CSMD1: variants seen among roughly 807,000 people sequenced by gnomAD.
CSMD1 encodes the protein CUB and sushi domain-containing protein 1.
A neutral mutation model predicts 417.5 loss-of-function variants in CSMD1; 213 were observed. That is an observed-to-expected ratio of 0.51 (90% CI 0.46 to 0.57). The LOEUF is 0.57. Among genes scored for constraint, CSMD1 ranks in the 20% least tolerant of loss-of-function variants. The pLI, the probability that CSMD1 is intolerant of heterozygous loss-of-function variation, is 0.00. For synonymous variants in CSMD1, 2,862 were observed against 1,736.8 expected, an observed-to-expected ratio of 1.65 and a Z score of -16.11; for missense variants, 6,923 against 4,529.7, an observed-to-expected ratio of 1.53 and a Z score of -15.17.
At chr8:4,323,590 C>T (rs1317075578) in intron 3 of CSMD1, among the ~76,000 whole-genome samples, 2 of 152,060 alleles carry the variant, frequency 1.3e-5, no homozygotes, top group Admixed American at 1.3e-4. Flanking sequence ...GTTTGAGTGG[C>T]TGATACCCAA....
intron 25 of CSMD1, among the ~76,000 whole-genome samples, chr8:3,288,600 G>C (rs1220837853): frequency 6.8e-6 from 1 of 147,260 alleles, no homozygotes; most frequent in African/African-American, 2.7e-5. Context: ...GGTGTTTATA[G>C]TATTCTCTGA....
At chr8:4,351,964 T>TTTTC (rs932567641) in intron 3 of CSMD1, among the ~76,000 whole-genome samples, 1 of 149,614 alleles carries the variant, frequency 6.7e-6, no homozygotes, top group Admixed American at 6.7e-5. Context: ...TTTTTTTTTT[T>TTTTC]CAGAAAAAAA....
rs1798770931 is a variant in CSMD1 at position 4,809,347 on chromosome 8, G to T, written c.86-171789C>A. Reference sequence around the variant, plus strand: ...CAAGAGTTTCCGGTGTATCACCATGGGATGAAACAACTGCTTCTAAAATCT... The same window carrying T: ...CAAGAGTTTCCGGTGTATCACCATGTGATGAAACAACTGCTTCTAAAATCT... On this transcript the variant is annotated intron_variant, in intron 1 of 69. Transcript: ENST00000635120. Among the ~76,000 whole-genome samples the T allele has an allele frequency of 3.9e-5, 6 of 152,076 alleles. No homozygotes were observed. The South Asian group carries it at 1.0e-3, about 26-fold the overall frequency.
chr8:4,263,502 G>A (rs1299909464), intron 3 of CSMD1, among the ~76,000 whole-genome samples: 1 of 152,130 alleles, frequency 6.6e-6, no homozygotes, highest in African/African-American at 2.4e-5. Context: ...CTCTGTCTGT[G>A]GCAGTTAATT....
chr8:3,847,812 A>G (rs2129098026), intron 5 of CSMD1, among the ~76,000 whole-genome samples: 1 of 152,306 alleles, frequency 6.6e-6, no homozygotes. Flanking sequence ...CAATAATTGC[A>G]CATCAAACCT....
chr8:4,061,938 A>T (rs112407385), intron 3 of CSMD1, among the ~76,000 whole-genome samples: 7 of 152,284 alleles, frequency 4.6e-5, no homozygotes, highest in African/African-American at 1.7e-4. Flanking sequence ...GACTAACGAA[A>T]GATTCTTCAT....
intron 3 of CSMD1, among the ~76,000 whole-genome samples, chr8:4,186,856 C>T (rs1481994829): frequency 2.7e-5 from 4 of 148,248 alleles, no homozygotes; most frequent in Non-Finnish European, 5.9e-5. Context: ...ATCAGCCGGG[C>T]GTGGTGTTGA....
intron 12 of CSMD1, among the ~76,000 whole-genome samples, chr8:3,468,171 C>A (rs116719377): frequency 6.6e-6 from 1 of 152,126 alleles, no homozygotes; most frequent in African/African-American, 2.4e-5. Flanking sequence ...TTAATGGGAT[C>A]TTTTTCACAG....
intron 3 of CSMD1, among the ~76,000 whole-genome samples, chr8:4,283,227 A>G (rs989945355): frequency 3.3e-5 from 5 of 152,178 alleles, no homozygotes; most frequent in Non-Finnish European, 7.4e-5. Flanking sequence ...AATTTAAAGT[A>G]TCCACTATCC....
chr8:3,473,925 C>T (rs1224801681), intron 11 of CSMD1, among the ~76,000 whole-genome samples: 1 of 151,994 alleles, frequency 6.6e-6, no homozygotes, highest in African/African-American at 2.4e-5. Flanking sequence ...TCTTACATGG[C>T]AGGAGGAGAG....
chr8:2,980,482 CCTT>C (rs1805311537), intron 54 of CSMD1, among the ~76,000 whole-genome samples: 1 of 152,036 alleles, frequency 6.6e-6, no homozygotes, highest in Admixed American at 6.6e-5. Context: ...TTCTCCTCCT[CCTT>C]CTCTTTCTCC....
intron 1 of CSMD1, among the ~76,000 whole-genome samples, chr8:4,721,897 T>G (rs1809078898): frequency 6.6e-6 from 1 of 152,148 alleles, no homozygotes; most frequent in Admixed American, 6.6e-5. Context: ...TGAAGGGCAT[T>G]ATGTCAAGAG....
intron 7 of CSMD1, among the ~76,000 whole-genome samples, chr8:3,624,805 CA>C (rs768388365): frequency 3.9e-5 from 6 of 152,258 alleles, no homozygotes; most frequent in Non-Finnish European, 7.4e-5. Context: ...TTTACTTCAG[CA>C]TTTTGTAGAC....
intron 10 of CSMD1, among the ~76,000 whole-genome samples, chr8:3,574,065 C>A (rs1242350998): frequency 6.6e-6 from 1 of 152,010 alleles, no homozygotes; most frequent in East Asian, 1.9e-4. Context: ...ACTATGTATG[C>A]AAACTTACAG....
Position 4,647,151 on chromosome 8 carries a change from G to A in CSMD1, c.86-9593C>T, listed in dbSNP as rs187115674. Among the ~76,000 whole-genome samples, 18 of 151,974 alleles carry A rather than the reference G, an allele frequency of 1.2e-4. No individual in the cohort carries two copies. In the East Asian group the frequency reaches 2.3e-3, roughly 20 times the overall value. On this transcript the variant is annotated intron_variant, in intron 1 of 69. Coordinates refer to ENST00000635120, the MANE Select transcript of CSMD1 (RefSeq NM_033225.6). ...ATTTAAATGTATAAAAATCACAAAT[G>A]GGTTCATATCCATCTCTTTGGACAA...
At chr8:3,005,017 T>C (rs543567615) in intron 52 of CSMD1, among the ~76,000 whole-genome samples, 4 of 152,266 alleles carry the variant, frequency 2.6e-5, no homozygotes, top group African/African-American at 4.8e-5. Context: ...CACATGCCTG[T>C]AGTCCCAGCT....
chr8:3,411,745 T>C (rs1406881646), intron 12 of CSMD1, among the ~76,000 whole-genome samples: 1 of 132,630 alleles, frequency 7.5e-6, no homozygotes, highest in Non-Finnish European at 1.6e-5. Context: ...CGTGTATATA[T>C]ACACGTGTAT....
chr8:3,068,087 A>C (rs534149636), intron 49 of CSMD1, among the ~76,000 whole-genome samples: 2 of 152,268 alleles, frequency 1.3e-5, no homozygotes, highest in South Asian at 4.1e-4. Context: ...ATCTCACTGC[A>C]TGTGTCACTA....
intron 7 of CSMD1, among the ~76,000 whole-genome samples, chr8:3,662,560 A>T (rs2623626): frequency 0.3 from 45,373 of 152,142 alleles, 6,978 homozygotes; most frequent in African/African-American, 0.32. Context: ...ATACCCAGTA[A>T]TGGGATCGCT....
Sources: gnomAD v4.1 joint callset for allele counts (sites outside exome capture counted in the v4.1 genomes callset) on GRCh38, gnomAD v4.1.1 for gene constraint, MANE v1.5 for transcripts, NCBI Gene and HGNC (gene_info 2026-07-23, HGNC 2026-07-21) for gene names.